The following VRK2 variants were observed in gnomAD, a reference collection of about 807,000 sequenced individuals.
The protein encoded by VRK2 is serine/threonine-protein kinase VRK2.
VRK2 carries 60 observed loss-of-function variants against 57.6 expected under a neutral mutation model. The ratio of observed to expected loss-of-function variants is 1.04; its 90% CI spans 0.85 to 1.29. The LOEUF is 1.29. Ranked by LOEUF, VRK2 falls within the 50% of genes most tolerant of loss-of-function variation. The pLI is 0.00. For missense variants in VRK2, 705 were observed against 588.1 expected (o/e 1.20, Z -2.06); for synonymous variants, 231 against 199.2 (o/e 1.16, Z -1.35).
intron 1 of VRK2, among the ~76,000 whole-genome samples, chr2:57,978,774 T>C (rs1329463524): frequency 6.6e-6 from 1 of 150,518 alleles, no homozygotes; most frequent in African/African-American, 2.5e-5. Flanking sequence ...GCTGCACCTA[T>C]TGACCTGTCC....
At chr2:58,099,588 T>G (rs17049336) in intron 7 of VRK2, among the ~76,000 whole-genome samples, 2,906 of 152,184 alleles carry the variant, frequency 0.019, 107 homozygotes, top group African/African-American at 0.067. Flanking sequence ...GTAGAGCTCC[T>G]TGCCCCATTA....
intron 2 of VRK2, among the ~76,000 whole-genome samples, chr2:58,074,141 T>C (rs1194039421): frequency 6.6e-6 from 1 of 152,130 alleles, no homozygotes; most frequent in Non-Finnish European, 1.5e-5. Context: ...GCATGATAGA[T>C]CTTTCTTTGT....
chr2:58,147,794 C>A (rs1287983257), intron 12 of VRK2, among the ~76,000 whole-genome samples: 1 of 130,724 alleles, frequency 7.6e-6, no homozygotes, highest in East Asian at 2.3e-4. Flanking sequence ...GCTTCTTTCA[C>A]TCAGTGTTTT....
Position 57,949,656 on chromosome 2 carries a change from C to A in VRK2, c.-439+41817C>A, listed in dbSNP as rs186198463. Reference sequence around the variant, plus strand: ...GAAATTATGCCAATTAATAACCCTACAATGGCCTCTAAGCATTCAAGTGAA... The same window carrying A: ...GAAATTATGCCAATTAATAACCCTAAAATGGCCTCTAAGCATTCAAGTGAA... On this transcript the variant is annotated intron_variant, in intron 1 of 15. Transcript: ENST00000417641. 4.0e-3 allele frequency among the ~76,000 whole-genome samples: 613 copies of A among 152,248 alleles called. 7 individuals carry two copies. Among genetic ancestry groups the A allele is most frequent in the African/African-American group, 0.012 (512 of 41,552 alleles).
chr2:58,106,150 G>A (rs1436835545), intron 7 of VRK2, among the ~76,000 whole-genome samples: 2 of 151,814 alleles, frequency 1.3e-5, no homozygotes, highest in Non-Finnish European at 1.5e-5. Context: ...TGATTAGATT[G>A]GAAATTGAGA....
intron 8 of VRK2, among the ~76,000 whole-genome samples, chr2:58,126,499 G>C (rs532008028): frequency 2.0e-5 from 3 of 152,164 alleles, no homozygotes; most frequent in Non-Finnish European, 4.4e-5. Context: ...AAAAAAATTA[G>C]CTATTATGTT....
chr2:58,065,555 TTTTTC>T (rs1668490932), intron 2 of VRK2, among the ~76,000 whole-genome samples: 1 of 152,138 alleles, frequency 6.6e-6, no homozygotes, highest in Non-Finnish European at 1.5e-5. Context: ...TTCCTTCAAC[TTTTTC>T]TTCAAAATTG....
At position 58,146,434 on chromosome 2, in the gene VRK2, A is replaced by T; in HGVS notation, c.1142A>T (p.Glu381Val). 6.2e-7 allele frequency: 1 copy of T among 1,611,568 alleles called. No homozygotes were observed. ...ESCATWKVQK[E>V]EKLIGLMNNE... The stretch of plus-strand genomic sequence containing the variant: ...TGTGCAACATGGAAAGTGCAGAAAG[A>T]GGAGAAACTGATTGGATTGATGAAC... Residue 381 changes from glutamate to valine, a missense_variant, in exon 12 of 13, where the codon GAG (glutamate) becomes GTG (valine). Coordinates refer to ENST00000340157, the MANE Select transcript of VRK2 (RefSeq NM_006296.7).
At chr2:58,020,187 T>C (rs568022137) in intron 1 of VRK2, among the ~76,000 whole-genome samples, 1 of 152,340 alleles carries the variant, frequency 6.6e-6, no homozygotes, top group Admixed American at 6.5e-5. Context: ...AGTTTATTTC[T>C]ATGATATAAA....
intron 1 of VRK2, among the ~76,000 whole-genome samples, chr2:57,943,563 T>C (rs748194779): frequency 6.6e-6 from 1 of 152,190 alleles, no homozygotes; most frequent in Non-Finnish European, 1.5e-5. Flanking sequence ...TGTCATTTAC[T>C]AGGTATAGTG....
intron 7 of VRK2, among the ~76,000 whole-genome samples, chr2:58,090,704 T>C (rs1458115037): frequency 6.6e-6 from 1 of 152,176 alleles, no homozygotes; most frequent in Non-Finnish European, 1.5e-5. Flanking sequence ...GTTGTGCTCA[T>C]TAGTATTTAC....
chr2:58,088,127 G>A (rs1273689520), intron 5 of VRK2, among the ~76,000 whole-genome samples: 2 of 152,206 alleles, frequency 1.3e-5, no homozygotes, highest in African/African-American at 4.8e-5. Flanking sequence ...GTTCAGTACA[G>A]CATTCTCTTA....
chr2:58,046,924 C>T (rs369714399), intron 1 of VRK2, 56 bp downstream of exon 1: 2 of 985,374 alleles, frequency 2.0e-6, no homozygotes, highest in African/African-American at 1.7e-5. Flanking sequence ...CTTGCAGTGC[C>T]GGAGCCGCGG....
chr2:58,107,141 T>C (rs941168884), intron 7 of VRK2, among the ~76,000 whole-genome samples: 1 of 150,798 alleles, frequency 6.6e-6, no homozygotes, highest in Non-Finnish European at 1.5e-5. Context: ...ATTGTGAAGA[T>C]TTTTGCCTTA....
intron 1 of VRK2, among the ~76,000 whole-genome samples, chr2:57,980,722 G>A (rs1265759363): frequency 6.6e-6 from 1 of 152,144 alleles, no homozygotes; most frequent in East Asian, 1.9e-4. Context: ...TCAGTGTTGG[G>A]TGCATATACA....
At chr2:58,010,614 A>G (rs973002642) in intron 1 of VRK2, among the ~76,000 whole-genome samples, 3 of 152,152 alleles carry the variant, frequency 2.0e-5, no homozygotes, top group African/African-American at 7.2e-5. Flanking sequence ...AAATCGGGGT[A>G]TGCAGGGAGT....
intron 1 of VRK2, among the ~76,000 whole-genome samples, chr2:57,911,724 T>C (rs1199655605): frequency 2.0e-5 from 3 of 152,190 alleles, no homozygotes; most frequent in East Asian, 3.8e-4. Flanking sequence ...ATGGATATAA[T>C]TGGGGATTCC....
chr2:58,011,545 C>T (rs998556094), intron 1 of VRK2, among the ~76,000 whole-genome samples: 7 of 152,192 alleles, frequency 4.6e-5, no homozygotes, highest in Admixed American at 4.6e-4. Flanking sequence ...AAGAAACACA[C>T]AAGTTGTGTC....
At chr2:58,009,080 A>G (rs757129891) in intron 1 of VRK2, among the ~76,000 whole-genome samples, 2 of 152,100 alleles carry the variant, frequency 1.3e-5, no homozygotes, top group Non-Finnish European at 2.9e-5. Context: ...TGACCTCTTA[A>G]AGGCCTCGCC....
Sources: allele counts gnomAD v4.1 joint callset (sites outside exome capture counted in the v4.1 genomes callset), GRCh38; gene constraint gnomAD v4.1.1; transcripts MANE v1.5; gene names NCBI Gene and HGNC (gene_info 2026-07-23, HGNC 2026-07-21).